The following EYS variants were observed in gnomAD, a reference collection of about 807,000 sequenced individuals.
EYS encodes the protein EGF-like photoreceptor maintenance factor.
In EYS, 250 loss-of-function variants were observed where a neutral mutation model predicts 282.1. That is an observed-to-expected ratio of 0.89 (90% confidence interval 0.80 to 0.98). The LOEUF is 0.98. Among genes scored for constraint, EYS ranks in the 50% least tolerant of loss-of-function variants. The pLI, the probability that EYS is intolerant of heterozygous loss-of-function variation, is 0.00. For missense variants in EYS, 4,016 were observed against 3,709.0 expected, an observed-to-expected ratio of 1.08 and a Z score of -2.15; for synonymous variants, 1,355 against 1,282.9, an observed-to-expected ratio of 1.06 and a Z score of -1.20.
chr6:65,703,308 A>T (rs1008163890), intron 1 of EYS, among the ~76,000 whole-genome samples: 3 of 152,202 alleles, frequency 2.0e-5, no homozygotes, highest in Admixed American at 6.5e-5. Flanking sequence ...CATAAACCAT[A>T]AACAGATACA....
intron 26 of EYS, among the ~76,000 whole-genome samples, chr6:64,553,456 T>C (rs1765148129): frequency 1.3e-5 from 2 of 150,940 alleles, no homozygotes; most frequent in South Asian, 4.2e-4. Flanking sequence ...CACAGGCTTG[T>C]AGCACATTTA....
intron 22 of EYS, among the ~76,000 whole-genome samples, chr6:64,641,674 C>T (rs542790599): frequency 7.2e-5 from 11 of 152,154 alleles, no homozygotes; most frequent in African/African-American, 2.6e-4. Context: ...TCTCCAACAC[C>T]CAGGCTGGGG....
At chr6:65,670,138 T>A (rs1318174391) in intron 1 of EYS, among the ~76,000 whole-genome samples, 1 of 152,086 alleles carries the variant, frequency 6.6e-6, no homozygotes, top group African/African-American at 2.4e-5. Context: ...AGGACTTGGC[T>A]TCTTTCTAAG....
intron 26 of EYS, among the ~76,000 whole-genome samples, chr6:64,585,772 C>T (rs1208037628): frequency 6.6e-6 from 1 of 151,894 alleles, no homozygotes. Flanking sequence ...CTCTTATTGC[C>T]CTTTCTATTC....
chr6:63,725,795 G>A (rs1025136827), intron 42 of EYS, among the ~76,000 whole-genome samples: 1 of 152,062 alleles, frequency 6.6e-6, no homozygotes, highest in South Asian at 2.1e-4. Flanking sequence ...TGCTAATGAT[G>A]TGAAATTTAG....
At chr6:64,127,376 G>T (rs931641211) in intron 31 of EYS, among the ~76,000 whole-genome samples, 1 of 151,998 alleles carries the variant, frequency 6.6e-6, no homozygotes, top group Non-Finnish European at 1.5e-5. Flanking sequence ...TTATAGGAAG[G>T]TAAGCTGCGA....
chr6:64,006,826 C>T (rs1035599116), intron 33 of EYS, among the ~76,000 whole-genome samples: 4 of 152,058 alleles, frequency 2.6e-5, no homozygotes, highest in African/African-American at 9.7e-5. Flanking sequence ...GCAAATATTT[C>T]ATCCCAAGGA....
At chr6:65,059,515 C>A (rs1475475316) in intron 12 of EYS, among the ~76,000 whole-genome samples, 1 of 152,096 alleles carries the variant, frequency 6.6e-6, no homozygotes, top group Non-Finnish European at 1.5e-5. Flanking sequence ...ATTACATATG[C>A]TATCTTCCTT....
intron 1 of EYS, among the ~76,000 whole-genome samples, chr6:65,641,041 C>A: frequency 6.6e-6 from 1 of 152,010 alleles, no homozygotes; most frequent in East Asian, 1.9e-4. Flanking sequence ...TCTTTGTCTC[C>A]CATGCTTGTG....
Position 65,147,442 on chromosome 6 carries a change from G to A in EYS, c.2024-89715C>T, listed in dbSNP as rs147227763. Among the ~76,000 whole-genome samples the A allele has an allele frequency of 2.8e-4, 42 of 152,072 alleles. No homozygotes were observed. In the East Asian group the frequency reaches 7.0e-3, roughly 25 times the overall value. ...TTGCTTATCAAGTTAGCTTTGCATT[G>A]CTAAAACTTCAGTATTTCTTCCAGG... On this transcript the variant is annotated intron_variant, in intron 12 of 42. Coordinates refer to ENST00000503581, the MANE Select transcript of EYS (RefSeq NM_001142800.2).
intron 2 of EYS, among the ~76,000 whole-genome samples, chr6:65,605,592 T>C (rs1765759138): frequency 6.6e-6 from 1 of 151,938 alleles, no homozygotes; most frequent in Non-Finnish European, 1.5e-5. Context: ...TGCAAAGATA[T>C]ATATCCATAA....
At chr6:65,478,898 A>G (rs969446568) in intron 5 of EYS, among the ~76,000 whole-genome samples, 2 of 152,188 alleles carry the variant, frequency 1.3e-5, no homozygotes, top group Admixed American at 1.3e-4. Flanking sequence ...ATTCTGTATA[A>G]AAACACACAG....
intron 12 of EYS, among the ~76,000 whole-genome samples, chr6:65,188,764 C>CAAAAA (rs777137794): frequency 0.015 from 1,188 of 78,514 alleles, 34 homozygotes; most frequent in African/African-American, 0.035. Flanking sequence ...TTATTGCATG[C>CAAAAA]AAAAAAAAAA....
At chr6:64,456,605 A>G (rs1285067367) in intron 26 of EYS, among the ~76,000 whole-genome samples, 1 of 152,084 alleles carries the variant, frequency 6.6e-6, no homozygotes, top group Non-Finnish European at 1.5e-5. Context: ...GTATTTAGGG[A>G]AGAAAACATT....
In EYS at chr6:65,005,102, T is replaced by C. The variant is rs528770341; in HGVS notation, c.2138-7399A>G. On this transcript the variant is annotated intron_variant, in intron 13 of 42. Transcript: ENST00000503581. ...GTTTGTTATGGCTTGAGCTGAGCTT[T>C]CGCTTGCCGTCCACCACTGCTGTTT... Among the ~76,000 whole-genome samples, 5 of 147,882 alleles carry C rather than the reference T, an allele frequency of 3.4e-5. 1 individual carries two copies. In the East Asian group the frequency reaches 1.1e-3, roughly 32 times the overall value.
At chr6:64,214,040 T>G (rs567416869) in intron 31 of EYS, among the ~76,000 whole-genome samples, 73 of 152,242 alleles carry the variant, frequency 4.8e-4, no homozygotes, top group Non-Finnish European at 9.3e-4. Flanking sequence ...TTTTATCACC[T>G]CTACAAAAAG....
chr6:64,801,833 AG>A, intron 22 of EYS, among the ~76,000 whole-genome samples: 1 of 152,030 alleles, frequency 6.6e-6, no homozygotes, highest in African/African-American at 2.4e-5. Flanking sequence ...CATGGTAGAA[AG>A]AAATGTACCA....
At chr6:65,503,400 A>G (rs1220240449) in intron 2 of EYS, among the ~76,000 whole-genome samples, 1 of 151,624 alleles carries the variant, frequency 6.6e-6, no homozygotes, top group Admixed American at 6.6e-5. Flanking sequence ...ATATTTCTCC[A>G]AGTAGTTATT....
intron 12 of EYS, among the ~76,000 whole-genome samples, chr6:65,107,151 A>G (rs1775062841): frequency 6.6e-6 from 1 of 152,062 alleles, no homozygotes; most frequent in African/African-American, 2.4e-5. Context: ...GAGACTATTC[A>G]CTTTCCCCGA....
Sources: allele counts gnomAD v4.1 joint callset (sites outside exome capture counted in the v4.1 genomes callset), GRCh38; gene constraint gnomAD v4.1.1; transcripts MANE v1.5; gene names NCBI Gene and HGNC (gene_info 2026-07-23, HGNC 2026-07-21).